ZNF773: variants seen among roughly 807,000 people sequenced by gnomAD.
ZNF773 encodes zinc finger protein 773.
A neutral mutation model predicts 12.8 loss-of-function variants in ZNF773; 11 were observed. The ratio of observed to expected loss-of-function variants is 0.86; its 90% CI spans 0.54 to 1.42. The LOEUF (loss-of-function observed/expected upper bound fraction) is 1.42, where lower values mean the gene tolerates loss of function less well. Ranked by LOEUF, ZNF773 falls within the 40% of genes most tolerant of loss-of-function variation. The pLI, the probability that ZNF773 is intolerant of heterozygous loss-of-function variation, is 0.00. For missense variants in ZNF773, 518 were observed against 527.2 expected (o/e 0.98, Z 0.17); for synonymous variants, 175 against 178.4 (o/e 0.98, Z 0.15).
chr19:57,511,196 A>ACG (rs2089792359), downstream of ZNF773, among the ~76,000 whole-genome samples: 1 of 151,202 alleles, frequency 6.6e-6, no homozygotes, highest in Non-Finnish European at 1.5e-5. Context: ...GACTACAGGT[A>ACG]CCCGCCACCT....
Position 57,507,751 on chromosome 19 carries a change from G to C in ZNF773, c.*327G>C. The C allele has an allele frequency of 2.8e-6, 3 of 1,078,454 alleles. No individual in the cohort carries two copies. Among genetic ancestry groups the C allele is most frequent in the Non-Finnish European group, 3.4e-6 (3 of 880,472 alleles). The allele number at this position is 1,078,454 out of a possible 1,614,324, so 66.8% of individuals were successfully genotyped here. A position where few individuals can be genotyped will look rare whatever the true frequency, so the allele number is the denominator to read the frequency against. ...CCACTTTGGGAGGCTGAAGCGGGCG[G>C]ATCACAAGGTCAGGACATCGAAACC... is the stretch of plus-strand genomic sequence containing the variant. On this transcript the variant is annotated 3_prime_UTR_variant, in exon 4 of 4. Transcript: ENST00000282292.
At chr19:57,516,692 C>T (rs572908394), downstream of ZNF773, 1 of 152,320 alleles carries the variant, frequency 6.6e-6, no homozygotes, top group East Asian at 1.9e-4. Context: ...ACTCCTGGCC[C>T]CATCACCCAA....
rs201076390 is a variant in ZNF773 at position 57,506,403 on chromosome 19, C to T, written c.308C>T (p.Ala103Val). The T allele has an allele frequency of 5.9e-5, 95 of 1,613,964 alleles. No homozygotes were observed. Among genetic ancestry groups the T allele is most frequent in the Non-Finnish European group, 5.1e-6 (6 of 1,179,984 alleles). Residue 103 changes from alanine (A) to valine (V), a missense_variant, in exon 4 of 4, where the codon GCT becomes GTT. Coordinates refer to ENST00000282292, the MANE Select transcript of ZNF773 (RefSeq NM_198542.3). ...AKAEAAAEQS[A>V]SVEVPSSNVQ... ...GCTGAGGCAGCTGCTGAGCAGAGTG[C>T]TTCTGTAGAAGTGCCCAGTTCAAAC... is the stretch of plus-strand genomic sequence containing the variant.
In ZNF773 at chr19:57,507,005, G is replaced by A. The variant is rs756841273; in HGVS notation, c.910G>A (p.Glu304Lys). ...AATCCACACTGGAGTAAGGCCTTAT[G>A]AGTGCAGTGAATGTGGAAAATTGTT... is the stretch of plus-strand genomic sequence containing the variant. ...HRIHTGVRPYECSECGKLFSF... is the reference protein window; with the variant it reads ...HRIHTGVRPYKCSECGKLFSF... Residue 304 changes from glutamate to lysine, a missense_variant, in exon 4 of 4, where the codon GAG becomes AAG. Coordinates refer to ENST00000282292, the MANE Select transcript of ZNF773 (RefSeq NM_198542.3). 1.2e-6 allele frequency: 2 copies of A among 1,614,078 alleles called. No homozygotes were observed. Among genetic ancestry groups the A allele is most frequent in the South Asian group, 1.1e-5 (1 of 91,082 alleles).
intron 1 of ZNF773, among the ~76,000 whole-genome samples, chr19:57,502,702 G>C (rs1232123319): frequency 6.6e-6 from 1 of 151,774 alleles, no homozygotes; most frequent in East Asian, 1.9e-4. Flanking sequence ...TTTTGTTTTT[G>C]TTTTTTTGAG....
At chr19:57,511,059 T>TATTTA (rs761932978), downstream of ZNF773, among the ~76,000 whole-genome samples, 3 of 148,628 alleles carry the variant, frequency 2.0e-5, no homozygotes, top group African/African-American at 7.4e-5. Context: ...TTATTTATTT[T>TATTTA]TTTTTTTTTT....
At chr19:57,516,815 C>G (rs893961920), downstream of ZNF773, 1 of 152,190 alleles carries the variant, frequency 6.6e-6, no homozygotes, top group African/African-American at 2.4e-5. Context: ...GAGACATTAT[C>G]GACTGGGGTC....
chr19:57,512,469 T>C (rs1466116716), downstream of ZNF773, among the ~76,000 whole-genome samples: 1 of 147,550 alleles, frequency 6.8e-6, no homozygotes, highest in East Asian at 2.0e-4. Context: ...AGTGGCATGA[T>C]CTTGGCTCAC....
At chr19:57,502,142 A>G (rs1004531054) in intron 1 of ZNF773, among the ~76,000 whole-genome samples, 5 of 151,966 alleles carry the variant, frequency 3.3e-5, no homozygotes, top group South Asian at 4.2e-4. Context: ...GGGTTTCTCC[A>G]TGTTGGTCAA....
chr19:57,503,707 G>C (rs1160992496), intron 1 of ZNF773, among the ~76,000 whole-genome samples: 3 of 149,554 alleles, frequency 2.0e-5, no homozygotes, highest in Non-Finnish European at 4.4e-5. Context: ...GCCTAGACTA[G>C]AGCGCAATGG....
chr19:57,517,196 C>T (rs749454639), downstream of ZNF773: 5 of 152,162 alleles, frequency 3.3e-5, no homozygotes, highest in African/African-American at 4.8e-5. Context: ...GGACCAACTC[C>T]GGGTAAACAA....
chr19:57,501,809 A>C (rs1246460171), intron 1 of ZNF773, among the ~76,000 whole-genome samples: 3 of 152,100 alleles, frequency 2.0e-5, no homozygotes, highest in African/African-American at 7.2e-5. Context: ...CACCCTCCTC[A>C]ACTCCTACCT....
intron 1 of ZNF773, among the ~76,000 whole-genome samples, chr19:57,501,992 G>A (rs1241781014): frequency 6.6e-6 from 1 of 152,114 alleles, no homozygotes; most frequent in Non-Finnish European, 1.5e-5. Context: ...GCCCAGGCTG[G>A]AGTGCAATGG....
chr19:57,517,220 T>C (rs372820950), downstream of ZNF773: 14 of 152,370 alleles, frequency 9.2e-5, no homozygotes, highest in African/African-American at 3.4e-4. Context: ...CCAATCGATT[T>C]GTGATGCCTG....
intron 1 of ZNF773, among the ~76,000 whole-genome samples, chr19:57,501,560 G>A (rs954410541): frequency 6.6e-6 from 1 of 152,112 alleles, no homozygotes; most frequent in African/African-American, 2.4e-5. Flanking sequence ...GCAATACCAA[G>A]GCACAGGGAA....
Position 57,507,182 on chromosome 19 carries a change from G to A in ZNF773, c.1087G>A (p.Glu363Lys). The A allele has an allele frequency of 1.2e-6, 2 of 1,614,220 alleles. No homozygotes were observed. Among genetic ancestry groups the A allele is most frequent in the Non-Finnish European group, 1.7e-6 (2 of 1,180,042 alleles). The change falls in exon 4 of 4, where the codon GAA becomes AAA. Residue 363 changes from glutamate to lysine, a missense_variant. Physicochemically the swap from Glu to Lys is moderately conservative, Grantham distance 56. Transcript: ENST00000282292. ...HTGERPYECS[E>K]CGKFFSQSSS... ...TGGAGAAAGGCCTTATGAGTGCAGT[G>A]AATGTGGGAAATTTTTTAGCCAAAG...
downstream of ZNF773, chr19:57,517,866 AT>A (rs2089840734): frequency 6.6e-6 from 1 of 152,264 alleles, no homozygotes; most frequent in Non-Finnish European, 1.5e-5. Context: ...CTTGGGCAGA[AT>A]TCCAGCAAGG....
chr19:57,502,671 G>A (rs1375940903), intron 1 of ZNF773, among the ~76,000 whole-genome samples: 6 of 152,134 alleles, frequency 3.9e-5, no homozygotes, highest in Admixed American at 1.3e-4. Context: ...TGTGGTTGAA[G>A]TCTGCGTTTT....
At chr19:57,513,016 A>G (rs1310320650), downstream of ZNF773, 1 of 1,560,574 alleles carries the variant, frequency 6.4e-7, no homozygotes, top group Non-Finnish European at 8.6e-7. Flanking sequence ...GTCCTTCTTC[A>G]TTCAGTCCCG....
Sources: allele counts gnomAD v4.1 joint callset (sites outside exome capture counted in the v4.1 genomes callset), GRCh38; gene constraint gnomAD v4.1.1; transcripts MANE v1.5; gene names NCBI Gene and HGNC (gene_info 2026-07-23, HGNC 2026-07-21).